FFAR4: variants seen among roughly 807,000 people sequenced by gnomAD.
The protein encoded by FFAR4 is free fatty acid receptor 4, also known as G-protein coupled receptor 120.
A neutral mutation model predicts 27.0 loss-of-function variants in FFAR4; 19 were observed. The observed-to-expected ratio is 0.70, with a 90% CI of 0.49 to 1.03. The LOEUF is 1.03. Ranked by LOEUF, FFAR4 falls within the 50% of genes least tolerant of loss-of-function variation. The pLI, the probability that FFAR4 is intolerant of heterozygous loss-of-function variation, is 0.00. For synonymous variants in FFAR4, 254 were observed against 215.6 expected (o/e 1.18, Z -1.56); for missense variants, 476 against 479.0 (o/e 0.99, Z 0.06).
At position 93,588,891 on chromosome 10, in the gene FFAR4, A is replaced by C. The variant is rs542484126; in HGVS notation, c.*1282A>C. On this transcript the variant is annotated 3_prime_UTR_variant, in exon 3 of 3. Coordinates refer to ENST00000371481, the MANE Select transcript of FFAR4 (RefSeq NM_001195755.2). The stretch of plus-strand genomic sequence containing the variant: ...GTATAGCATCACAGAGCGAATAAGC[A>C]CTGTGAAGAAAATGGGACGGGGGCT... 6.6e-6 allele frequency: 1 copy of C among 152,338 alleles called. No individual in the cohort carries two copies. Among genetic ancestry groups the C allele is most frequent in the South Asian group, 2.1e-4 (1 of 4,830 alleles). The allele number at this position is 152,338 out of a possible 1,614,324, so 9.4% of individuals were successfully genotyped here. A position where few individuals can be genotyped will look rare whatever the true frequency, so the allele number is the denominator to read the frequency against.
At chr10:93,567,994 C>T (rs898591819) in intron 1 of FFAR4, among the ~76,000 whole-genome samples, 72 of 152,240 alleles carry the variant, frequency 4.7e-4, no homozygotes, top group African/African-American at 1.6e-3. Flanking sequence ...GAGGCTGGAC[C>T]GACGAGCTCT....
At chr10:93,575,420 A>G (rs1031207117) in intron 1 of FFAR4, among the ~76,000 whole-genome samples, 1 of 152,246 alleles carries the variant, frequency 6.6e-6, no homozygotes, top group Admixed American at 6.5e-5. Context: ...TTGGATCAAT[A>G]CAACATAGTG....
Position 93,587,413 on chromosome 10 carries a change from T to A in FFAR4, c.890T>A (p.Val297Asp), listed in dbSNP as rs2058235141. ...ATCCAGAACTTCAAGCAAGACCTGG[T>A]CATCTGGCCGTCCCTCTTCTTCTGG... The part of the protein sequence containing the change: ...ILIQNFKQDL[V>D]IWPSLFFWVV... Residue 297 changes from valine (V) to aspartate (D), a missense_variant, in exon 3 of 3, where the codon GTC (valine) becomes GAC (aspartate). Physicochemically the swap from Val to Asp is radical, Grantham distance 152. Transcript: ENST00000371481. The A allele has an allele frequency of 6.2e-7, 1 of 1,613,878 alleles. No individual in the cohort carries two copies. The highest frequency in any genetic ancestry group is 1.7e-5 in the Admixed American group (1 of 59,972).
chr10:93,573,180 G>A (rs1331209508), intron 1 of FFAR4, among the ~76,000 whole-genome samples: 2 of 152,198 alleles, frequency 1.3e-5, no homozygotes, highest in Non-Finnish European at 2.9e-5. Flanking sequence ...TGGAGGAAAG[G>A]GCCAGCGCCT....
chr10:93,574,535 T>C (rs1468354544), intron 1 of FFAR4, among the ~76,000 whole-genome samples: 1 of 152,076 alleles, frequency 6.6e-6, no homozygotes, highest in Non-Finnish European at 1.5e-5. Context: ...AAGGAGGTGG[T>C]GCGGGTTTTC....
intron 2 of FFAR4, among the ~76,000 whole-genome samples, chr10:93,578,738 G>A (rs915669374): frequency 7.9e-5 from 12 of 152,190 alleles, no homozygotes; most frequent in Non-Finnish European, 1.2e-4. Context: ...CTGCTCTTCC[G>A]ACCCCTGTCT....
At position 93,566,784 on chromosome 10, in the gene FFAR4, C is replaced by T. The variant is rs746147390; in HGVS notation, c.64C>T (p.Arg22Cys). 2.5e-6 allele frequency: 4 copies of T among 1,608,680 alleles called. No individual in the cohort carries two copies. The highest frequency in any genetic ancestry group is 1.3e-5 in the African/African-American group (1 of 74,986). ...APLRSLEQAN[R>C]TRFPFFSDVK... ...CTTGCGCAGCCTGGAGCAAGCCAAC[C>T]GCACCCGCTTTCCCTTCTTCTCCGA... The change falls in exon 1 of 3, where the codon CGC becomes TGC. Residue 22 changes from arginine (R) to cysteine (C), a missense_variant. Physicochemically the swap from Arg to Cys is radical, Grantham distance 180. Transcript: ENST00000371481.
At chr10:93,582,723 G>A (rs957636762) in intron 2 of FFAR4, among the ~76,000 whole-genome samples, 6 of 151,802 alleles carry the variant, frequency 4.0e-5, no homozygotes, top group African/African-American at 1.5e-4. Flanking sequence ...GTGGGGGTCT[G>A]TGTTAGTCTG....
intron 2 of FFAR4, among the ~76,000 whole-genome samples, chr10:93,586,828 G>T (rs2058230119): frequency 6.6e-6 from 1 of 152,182 alleles, no homozygotes; most frequent in South Asian, 2.1e-4. Context: ...GAAATAGAGG[G>T]TAGAGAAGGC....
chr10:93,587,511 T>C lies in FFAR4; in HGVS notation c.988T>C (p.Trp330Arg). 1 of 1,614,014 alleles carries C rather than the reference T, an allele frequency of 6.2e-7. No homozygotes were observed. The highest frequency in any genetic ancestry group is 8.5e-7 in the Non-Finnish European group (1 of 1,179,998). Residue 330 changes from tryptophan to arginine, a missense_variant, in exon 3 of 3, where the codon TGG becomes CGG. Trp to Arg is a moderately radical substitution (Grantham distance 101). Transcript: ENST00000371481. ...CAACATGACACTGTGCAGGAATGAG[T>C]GGAAGAAAATTTTTTGCTGCTTCTG... Reference protein sequence around the residue: ...LYNMTLCRNEWKKIFCCFWFP... With the variant: ...LYNMTLCRNERKKIFCCFWFP...
At chr10:93,570,385 A>G (rs571191692) in intron 1 of FFAR4, among the ~76,000 whole-genome samples, 1 of 152,174 alleles carries the variant, frequency 6.6e-6, no homozygotes, top group South Asian at 2.1e-4. Context: ...TTAAAAAAAA[A>G]AAAGCAACAG....
intron 2 of FFAR4, among the ~76,000 whole-genome samples, chr10:93,582,713 G>A (rs1305228782): frequency 6.6e-6 from 1 of 152,154 alleles, no homozygotes; most frequent in Non-Finnish European, 1.5e-5. Context: ...CTGTAGTCTG[G>A]TGGGGGTCTG....
chr10:93,581,861 T>C (rs1470257029), intron 2 of FFAR4, among the ~76,000 whole-genome samples: 3 of 152,160 alleles, frequency 2.0e-5, no homozygotes, highest in African/African-American at 7.2e-5. Flanking sequence ...GCTGAGGTGC[T>C]GTGCCTCACC....
chr10:93,587,158 A>G, intron 2 of FFAR4, 62 bp from the exon 3 acceptor site: 2 of 1,476,826 alleles, frequency 1.4e-6, no homozygotes, highest in South Asian at 1.3e-5. Flanking sequence ...TGGGCCCCTA[A>G]CTCAAAATCC....
chr10:93,576,680 C>A (rs908522648), intron 2 of FFAR4, among the ~76,000 whole-genome samples: 1 of 152,170 alleles, frequency 6.6e-6, no homozygotes, highest in Non-Finnish European at 1.5e-5. Context: ...ATAATACTCT[C>A]TGCTCTGTAA....
rs1270899968 is a variant in FFAR4 at position 93,566,826 on chromosome 10, C to T, written c.106C>T (p.Arg36Trp). 80 of 1,603,096 alleles carry T rather than the reference C, an allele frequency of 5.0e-5. No individual in the cohort carries two copies. The highest frequency in any genetic ancestry group is 6.2e-5 in the Non-Finnish European group (73 of 1,176,420). The change falls in exon 1 of 3, where the codon CGG becomes TGG. Residue 36 changes from arginine (R) to tryptophan (W), a missense_variant. Transcript: ENST00000371481. ...CTTCTCCGACGTCAAGGGCGACCAC[C>T]GGCTGGTGCTGGCCGCGGTGGAGAC... Reference protein sequence around the residue: ...PFFSDVKGDHRLVLAAVETTV... With the variant: ...PFFSDVKGDHWLVLAAVETTV...
chr10:93,587,633 C>G lies in FFAR4; in HGVS notation c.*24C>G, dbSNP rs777619704. 1 of 1,598,860 alleles carries G rather than the reference C, an allele frequency of 6.3e-7. No individual in the cohort carries two copies. The highest frequency in any genetic ancestry group is 1.1e-5 in the South Asian group (1 of 89,900). On this transcript the variant is annotated 3_prime_UTR_variant, in exon 3 of 3. Transcript: ENST00000371481. Reference sequence around the variant, plus strand: ...AATTTTTCTTTATAGCCGAGTTTCTCACACCTGGCGAGCTGTGGCATGCTT... The same window carrying G: ...AATTTTTCTTTATAGCCGAGTTTCTGACACCTGGCGAGCTGTGGCATGCTT...
At chr10:93,572,384 G>A (rs986665877) in intron 1 of FFAR4, among the ~76,000 whole-genome samples, 2 of 152,324 alleles carry the variant, frequency 1.3e-5, no homozygotes, top group Non-Finnish European at 2.9e-5. Flanking sequence ...AGTGAGTGCT[G>A]TTCTGAAACT....
intron 2 of FFAR4, among the ~76,000 whole-genome samples, chr10:93,580,460 A>G (rs968459709): frequency 2.0e-5 from 3 of 152,142 alleles, no homozygotes; most frequent in African/African-American, 7.2e-5. Context: ...AATGCTCTGT[A>G]GAGTGCCATG....
Sources: gnomAD v4.1 joint callset for allele counts (sites outside exome capture counted in the v4.1 genomes callset) on GRCh38, gnomAD v4.1.1 for gene constraint, MANE v1.5 for transcripts, NCBI Gene and HGNC (gene_info 2026-07-23, HGNC 2026-07-21) for gene names.